The following SCHIP1 variants were observed in gnomAD, a reference collection of about 807,000 sequenced individuals.
SCHIP1 encodes schwannomin-interacting protein 1.
SCHIP1 carries 8 observed loss-of-function variants against 29.7 expected under a neutral mutation model. That is an observed-to-expected ratio of 0.27 (90% confidence interval 0.16 to 0.49). The LOEUF is 0.49. Ranked by LOEUF, SCHIP1 falls within the 20% of genes least tolerant of loss-of-function variation. The pLI, the probability that SCHIP1 is intolerant of heterozygous loss-of-function variation, is 0.99. For synonymous variants in SCHIP1, 76 were observed against 94.9 expected, an observed-to-expected ratio of 0.80 and a Z score of 1.16; for missense variants, 193 against 294.6, an observed-to-expected ratio of 0.66 and a Z score of 2.52.
At chr3:159,534,002 A>ATT in the SCHIP1 span, among the ~76,000 whole-genome samples, 5 of 152,202 alleles carry the variant, frequency 3.3e-5, no homozygotes, top group Non-Finnish European at 7.4e-5. Context: ...CCTCCTTGTT[A>ATT]TTGCAAATGG....
At chr3:159,424,174 T>C in the SCHIP1 span, among the ~76,000 whole-genome samples, 3 of 151,822 alleles carry the variant, frequency 2.0e-5, no homozygotes, top group Non-Finnish European at 2.9e-5. Context: ...TCACCAGCAA[T>C]GGAACAAAGC....
the SCHIP1 span, among the ~76,000 whole-genome samples, chr3:159,384,457 G>T: frequency 6.9e-6 from 1 of 145,362 alleles, no homozygotes; most frequent in East Asian, 2.0e-4. Context: ...CAGGGATGAA[G>T]CCCACTTGAT....
the SCHIP1 span, among the ~76,000 whole-genome samples, chr3:159,660,489 G>GTA: frequency 4.5e-3 from 688 of 151,460 alleles, 4 homozygotes; most frequent in African/African-American, 0.015. Context: ...ATCTGTGTGT[G>GTA]TATATATATA....
the SCHIP1 span, among the ~76,000 whole-genome samples, chr3:159,443,584 C>T: frequency 2.0e-5 from 3 of 152,130 alleles, no homozygotes; most frequent in Non-Finnish European, 4.4e-5. Flanking sequence ...TCTCGGCTTA[C>T]TGCAACCTCT....
the SCHIP1 span, among the ~76,000 whole-genome samples, chr3:159,601,829 T>C: frequency 8.5e-5 from 13 of 152,332 alleles, no homozygotes; most frequent in East Asian, 2.1e-3. Flanking sequence ...CTCTAGCCAG[T>C]GGTATGCTGC....
At chr3:159,373,254 A>G in the SCHIP1 span, among the ~76,000 whole-genome samples, 1 of 151,426 alleles carries the variant, frequency 6.6e-6, no homozygotes, top group East Asian at 1.9e-4. Context: ...AGTTATATAC[A>G]TATATGAATG....
the SCHIP1 span, among the ~76,000 whole-genome samples, chr3:159,318,454 C>G: frequency 1.3e-5 from 2 of 152,200 alleles, no homozygotes; most frequent in African/African-American, 4.8e-5. Context: ...GTGCACTGCT[C>G]AAAGCTCTGC....
chr3:159,455,587 G>A, the SCHIP1 span, among the ~76,000 whole-genome samples: 1 of 152,202 alleles, frequency 6.6e-6, no homozygotes, highest in Admixed American at 6.5e-5. Flanking sequence ...CCCATGATTT[G>A]AAGAAACCTA....
At chr3:159,720,638 GCAGTGGCAC>G in the SCHIP1 span, among the ~76,000 whole-genome samples, 1 of 151,784 alleles carries the variant, frequency 6.6e-6, no homozygotes. Flanking sequence ...AGGCTGGAGT[GCAGTGGCAC>G]CATCTCGGCT....
chr3:159,819,074 G>C, the SCHIP1 span, among the ~76,000 whole-genome samples: 1 of 152,334 alleles, frequency 6.6e-6, no homozygotes, highest in South Asian at 2.1e-4. Flanking sequence ...CTGAAAGCTT[G>C]ACTGGAACTG....
the SCHIP1 span, among the ~76,000 whole-genome samples, chr3:159,631,223 C>T: frequency 6.6e-6 from 1 of 151,436 alleles, no homozygotes; most frequent in South Asian, 2.1e-4. Flanking sequence ...ATATCAAAAC[C>T]CTCATGCATT....
chr3:159,648,981 C>A, the SCHIP1 span, among the ~76,000 whole-genome samples: 1 of 152,126 alleles, frequency 6.6e-6, no homozygotes. Flanking sequence ...AACATACCCA[C>A]CTCCATTTTC....
the SCHIP1 span, among the ~76,000 whole-genome samples, chr3:159,504,121 G>A: frequency 6.6e-6 from 1 of 152,190 alleles, no homozygotes; most frequent in African/African-American, 2.4e-5. Context: ...CATTAACAGA[G>A]GAGAGAGGAC....
At chr3:159,594,909 TC>T in the SCHIP1 span, among the ~76,000 whole-genome samples, 1 of 152,156 alleles carries the variant, frequency 6.6e-6, no homozygotes. Context: ...GGGAAGGATG[TC>T]AGGTCTCCAA....
chr3:159,878,756 C>A lies in SCHIP1; in HGVS notation c.150-7451C>A, dbSNP rs1160164059. Reference sequence around the variant, plus strand: ...TCCCGCCACTGCACTCCAGCCTGGGCGACAGAGCGAGACTCCGTCTCAAAA... The same window carrying A: ...TCCCGCCACTGCACTCCAGCCTGGGAGACAGAGCGAGACTCCGTCTCAAAA... On this transcript the variant is annotated intron_variant, in intron 2 of 6. Coordinates refer to ENST00000445224, the Ensembl canonical transcript of SCHIP1. Among the ~76,000 whole-genome samples, 48 of 145,230 alleles carry A rather than the reference C, an allele frequency of 3.3e-4. No homozygotes were observed. In the Admixed American group the frequency reaches 3.3e-3, roughly 10 times the overall value.
chr3:159,688,510 TG>T, the SCHIP1 span, among the ~76,000 whole-genome samples: 1 of 152,210 alleles, frequency 6.6e-6, no homozygotes, highest in Non-Finnish European at 1.5e-5. Context: ...CTTTGTCAGA[TG>T]GGTAGATTGC....
chr3:159,807,147 A>G, the SCHIP1 span, among the ~76,000 whole-genome samples: 1 of 152,226 alleles, frequency 6.6e-6, no homozygotes, highest in South Asian at 2.1e-4. Context: ...TGCAGAAATA[A>G]GGATTTTGTT....
upstream of SCHIP1, among the ~76,000 whole-genome samples, chr3:159,834,951 C>T (rs1468470334): frequency 6.6e-6 from 1 of 152,180 alleles, no homozygotes; most frequent in Non-Finnish European, 1.5e-5. Flanking sequence ...AAGGTTTACT[C>T]AACCTGTAGT....
At chr3:159,475,361 G>A in the SCHIP1 span, among the ~76,000 whole-genome samples, 5 of 152,128 alleles carry the variant, frequency 3.3e-5, no homozygotes, top group South Asian at 2.1e-4. Flanking sequence ...TATATGAGAC[G>A]TCTAGAATAG....
Sources: allele counts gnomAD v4.1 joint callset (sites outside exome capture counted in the v4.1 genomes callset), GRCh38; gene constraint gnomAD v4.1.1; transcripts MANE v1.5; gene names NCBI Gene and HGNC (gene_info 2026-07-23, HGNC 2026-07-21).